The following TTC14 variants were observed in gnomAD, a reference collection of about 807,000 sequenced individuals.
TTC14 encodes the protein tetratricopeptide repeat protein 14.
A neutral mutation model predicts 79.9 loss-of-function variants in TTC14; 63 were observed. That is an observed-to-expected ratio of 0.79 (90% CI 0.64 to 0.97). The LOEUF (loss-of-function observed/expected upper bound fraction) is 0.97, where lower values mean the gene tolerates loss of function less well. Ranked by LOEUF, TTC14 falls within the 50% of genes least tolerant of loss-of-function variation. TTC14 has a pLI of 0.00. For synonymous variants in TTC14, 335 were observed against 309.6 expected (o/e 1.08, Z -0.86); for missense variants, 895 against 894.0 (o/e 1.00, Z -0.01).
intron 3 of TTC14, chr3:180,603,970 A>G (rs766426413): frequency 1.2e-5 from 6 of 481,544 alleles, no homozygotes; most frequent in Non-Finnish European, 2.2e-5. Flanking sequence ...TGCATGTTGT[A>G]TACTGTCATA....
Position 180,610,813 on chromosome 3 carries a change from G to C in TTC14, c.*271G>C. 9.7e-7 allele frequency: 1 copy of C among 1,026,866 alleles called. No individual in the cohort carries two copies. The highest frequency in any genetic ancestry group is 1.2e-6 in the Non-Finnish European group (1 of 856,514). The allele number at this position is 1,026,866 out of a possible 1,614,324, so 63.6% of individuals were successfully genotyped here. ...TTTCTTCACCTAAAGATAATTCTCT[G>C]AAAGTACTGTTTCTTCATTCTATTG... On this transcript the variant is annotated 3_prime_UTR_variant, in exon 12 of 12. Transcript: ENST00000296015.
At chr3:180,608,940 T>C in intron 11 of TTC14, 130 bp downstream of exon 11, 6 of 1,233,968 alleles carry the variant, frequency 4.9e-6, no homozygotes, top group Non-Finnish European at 6.1e-6. Context: ...GTTAAGAATC[T>C]TTAGCAAATA....
chr3:180,604,809 CA>C (rs775997309), intron 5 of TTC14, 42 bp from the exon 6 acceptor site: 1 of 1,554,964 alleles, frequency 6.4e-7, no homozygotes, highest in Non-Finnish European at 8.7e-7. Flanking sequence ...AATGGAATGT[CA>C]AATTAGTCAT....
In TTC14 at chr3:180,610,336, T is replaced by TA; in HGVS notation, c.2108dup (p.Tyr703Ter). The TA allele has an allele frequency of 6.2e-7, 1 of 1,612,868 alleles. No individual in the cohort carries two copies. Among genetic ancestry groups the TA allele is most frequent in the Admixed American group, 1.7e-5 (1 of 59,798 alleles). The change falls in exon 12 of 12, where the codon TAC (tyrosine) becomes TAAC (stop). Residue 703 changes from tyrosine to a stop codon, truncating the protein, a stop_gained and frameshift_variant. Coordinates refer to ENST00000296015, the MANE Select transcript of TTC14 (RefSeq NM_133462.4). LOFTEE classifies it high-confidence loss of function. ...TGATTTCAGTAGACATGAGCAAAGA[T>TA]ACCGTTTAAATACAAATCAAGGAGA... The part of the protein sequence containing the change: ...SRDFSRHEQR[Y>*]RLNTNQGEYE...
chr3:180,603,979 T>C (rs1716530969), intron 3 of TTC14: 5 of 519,608 alleles, frequency 9.6e-6, no homozygotes, highest in African/African-American at 1.9e-5. Flanking sequence ...TATACTGTCA[T>C]AAGCCATCAT....
chr3:180,614,498 A>C (rs1398365193), downstream of TTC14: 1 of 153,224 alleles, frequency 6.5e-6, no homozygotes, highest in Non-Finnish European at 1.5e-5. Context: ...GAATAAAGAA[A>C]ACCTAATTTT....
intron 11 of TTC14, chr3:180,609,293 A>G (rs1453868529): frequency 2.0e-6 from 2 of 1,021,632 alleles, no homozygotes; most frequent in Non-Finnish European, 1.2e-6. Context: ...GAAAATACCA[A>G]TAATCAGGTG....
downstream of TTC14, chr3:180,615,099 T>A (rs1357655814): frequency 2.7e-6 from 4 of 1,499,148 alleles, no homozygotes; most frequent in Non-Finnish European, 3.6e-6. Context: ...ACCAGAATTA[T>A]AAATTCAATG....
rs537613984 is a variant in TTC14 at position 180,605,139 on chromosome 3, C to A, written c.857+132C>A. 1.1e-3 allele frequency: 800 copies of A among 745,274 alleles called. 1 individual carries two copies. The highest frequency in any genetic ancestry group is 1.6e-3 in the South Asian group (67 of 42,790). The allele number at this position is 745,274 out of a possible 1,614,324, so 46.2% of individuals were successfully genotyped here. A position where few individuals can be genotyped will look rare whatever the true frequency, so the allele number is the denominator to read the frequency against. On this transcript the variant is annotated intron_variant, in intron 6 of 11. Coordinates refer to ENST00000296015, the MANE Select transcript of TTC14 (RefSeq NM_133462.4). ...AGGCATATGCCAAAGGTTGAATGAA[C>A]CAGGTGATCCCATCTTCTGGACTGG...
At position 180,609,787 on chromosome 3, in the gene TTC14, T is replaced by G. The variant is rs778081887; in HGVS notation, c.1558T>G (p.Ser520Ala). ...GTCTTCTCGCAGTTCCAGAAGGCAT[T>G]CATCTAGGGCATCCTCAAATCAGAT... ...SESSRSSRRH[S>A]SRASSNQIDQ... Residue 520 changes from serine to alanine, a missense_variant, in exon 12 of 12, where the codon TCA (serine) becomes GCA (alanine). Physicochemically the swap from Ser to Ala is moderately conservative, Grantham distance 99 (BLOSUM62 1). Transcript: ENST00000296015. 6.2e-7 allele frequency: 1 copy of G among 1,613,916 alleles called. No homozygotes were observed. The highest frequency in any genetic ancestry group is 8.5e-7 in the Non-Finnish European group (1 of 1,179,910).
At chr3:180,618,158 T>TATG (rs1195859760), downstream of TTC14, among the ~76,000 whole-genome samples, 1 of 152,190 alleles carries the variant, frequency 6.6e-6, no homozygotes, top group South Asian at 2.1e-4. Flanking sequence ...AGTACACTCT[T>TATG]ATGATGTTCA....
At chr3:180,616,600 A>G in intron 12 of TTC14, 1 of 1,600,804 alleles carries the variant, frequency 6.2e-7, no homozygotes, top group Non-Finnish European at 8.5e-7. Context: ...TAACTTTGTG[A>G]AACTGTTTCA....
intron 11 of TTC14, 54 bp from the exon 12 acceptor site, chr3:180,609,576 G>A: frequency 6.9e-7 from 1 of 1,439,476 alleles, no homozygotes. Context: ...ACATCTTTAT[G>A]AATAATTTAG....
chr3:180,616,283 T>G, intron 12 of TTC14: 1 of 1,613,098 alleles, frequency 6.2e-7, no homozygotes, highest in Non-Finnish European at 8.5e-7. Flanking sequence ...CCGCTTACCT[T>G]GCTGATAGTG....
At position 180,602,928 on chromosome 3, in the gene TTC14, T is replaced by C. The variant is rs749418799; in HGVS notation, c.199T>C (p.Phe67Leu). 1.2e-6 allele frequency: 2 copies of C among 1,613,484 alleles called. No homozygotes were observed. The highest frequency in any genetic ancestry group is 4.5e-5 in the East Asian group (2 of 44,850). ...AGTTGACAACATCGAGATACAGAAA[T>C]TCATCTCCAAAAAAGCGGATCTGCT... The part of the protein sequence containing the change: ...KRVDNIEIQK[F>L]ISKKADLLFA... Residue 67 changes from phenylalanine to leucine, a missense_variant, in exon 2 of 12, where the codon TTC (phenylalanine) becomes CTC (leucine). Physicochemically the swap from Phe to Leu is conservative, Grantham distance 22. Coordinates refer to ENST00000296015, the MANE Select transcript of TTC14 (RefSeq NM_133462.4).
In TTC14 at chr3:180,608,775, A is replaced by G; in HGVS notation, c.1365A>G (p.Ala455=). 1 of 1,562,006 alleles carries G rather than the reference A, an allele frequency of 6.4e-7. No homozygotes were observed. Among genetic ancestry groups the G allele is most frequent in the Non-Finnish European group, 8.6e-7 (1 of 1,158,398 alleles). ...AAACAAAGAAAATAGAAACAAGTGC[A>G]GAAAAGTTGCGTAAGCTCTTAAAAG... ...KQKTKKIETS[A]EKLRKLLKEE... is the part of the protein sequence containing the mutation. Residue 455 remains alanine, a synonymous_variant, in exon 11 of 12, where the codon GCA becomes GCG. Coordinates refer to ENST00000296015, the MANE Select transcript of TTC14 (RefSeq NM_133462.4).
In TTC14 at chr3:180,603,543, C is replaced by T; in HGVS notation, c.486+220C>T. 1.1e-5 allele frequency: 6 copies of T among 526,552 alleles called. No individual in the cohort carries two copies. The South Asian group carries it at 1.2e-4, about 11-fold the overall frequency. The allele number at this position is 526,552 out of a possible 1,614,324, so 32.6% of individuals were successfully genotyped here. On this transcript the variant is annotated intron_variant, in intron 3 of 11. Transcript: ENST00000296015. ...GATTTTTTAAATTTAAACTGGTTGG[C>T]AGGCACAGTGTTCTTTTCTAAATGC...
Position 180,610,433 on chromosome 3 carries a change from A to G in TTC14, c.2204A>G (p.Lys735Arg), listed in dbSNP as rs200490774. ...EVPEEDALSS[K>R]EHSESSVKKN... ...CCAGAAGAAGATGCACTAAGTAGCAAAGAACACTCAGAAAGCAGTGTTAAG... is the reference window on the plus strand; with the variant it reads ...CCAGAAGAAGATGCACTAAGTAGCAGAGAACACTCAGAAAGCAGTGTTAAG... Residue 735 changes from lysine (K) to arginine (R), a missense_variant, in exon 12 of 12, where the codon AAA becomes AGA. By Grantham distance (26) the Lys-to-Arg change is conservative. Coordinates refer to ENST00000296015, the MANE Select transcript of TTC14 (RefSeq NM_133462.4). 8.7e-6 allele frequency: 14 copies of G among 1,613,632 alleles called. No homozygotes were observed. Among genetic ancestry groups the G allele is most frequent in the Non-Finnish European group, 1.1e-5 (13 of 1,179,856 alleles).
chr3:180,611,662 CAGAT>C (rs994015811), downstream of TTC14, among the ~76,000 whole-genome samples: 15 of 152,230 alleles, frequency 9.9e-5, no homozygotes, highest in African/African-American at 2.9e-4. Context: ...CTTTGGGAGA[CAGAT>C]AGAGATAGGA....
Sources: allele counts gnomAD v4.1 joint callset (sites outside exome capture counted in the v4.1 genomes callset), GRCh38; gene constraint gnomAD v4.1.1; transcripts MANE v1.5; gene names NCBI Gene and HGNC (gene_info 2026-07-23, HGNC 2026-07-21).